The following LAMC1 variants were observed in gnomAD, a reference collection of about 807,000 sequenced individuals.
The protein encoded by LAMC1 is laminin subunit gamma-1.
Under a neutral mutation model 173.6 loss-of-function variants are expected in LAMC1, and 38 were observed. The ratio of observed to expected loss-of-function variants is 0.22; its 90% CI spans 0.17 to 0.29. The LOEUF is 0.29. Among genes scored for constraint, LAMC1 ranks in the 10% least tolerant of loss-of-function variants. The probability of loss-of-function intolerance (pLI) is 1.00; values close to 1 mark genes in which losing one functional copy is unlikely to be tolerated. For missense variants in LAMC1, 1,824 were observed against 2,051.8 expected, an observed-to-expected ratio of 0.89 and a Z score of 2.14; for synonymous variants, 746 against 749.1, an observed-to-expected ratio of 1.00 and a Z score of 0.07.
intron 26 of LAMC1, among the ~76,000 whole-genome samples, chr1:183,139,480 A>G (rs1337450109): frequency 6.6e-6 from 1 of 152,220 alleles, no homozygotes; most frequent in Admixed American, 6.5e-5. Flanking sequence ...TTACACTCGC[A>G]GACAAGCTTG....
rs1274337623 is a variant in LAMC1 at position 183,113,147 on chromosome 1, CA to C, written c.1022-1378del. Among the ~76,000 whole-genome samples the C allele has an allele frequency of 5.3e-5, 8 of 152,046 alleles. 1 individual carries two copies. Among genetic ancestry groups the C allele is most frequent in the Non-Finnish European group, 8.8e-5 (6 of 67,992 alleles). On this transcript the variant is annotated intron_variant, in intron 4 of 27. Transcript: ENST00000258341. ...GCAACAGAGCAAGACCTTGTCTCTG[CA>C]AAAAATTTTTTAAAAATTAGCTGAG... is the stretch of plus-strand genomic sequence containing the variant.
chr1:183,080,380 A>G (rs537376640), intron 1 of LAMC1, among the ~76,000 whole-genome samples: 11 of 152,342 alleles, frequency 7.2e-5, no homozygotes, highest in African/African-American at 2.2e-4. Context: ...CTGATGAAAT[A>G]TACATGTGCA....
chr1:183,136,393 T>C lies in LAMC1; in HGVS notation c.4122T>C (p.Asp1374=). The C allele has an allele frequency of 6.2e-7, 1 of 1,614,070 alleles. No individual in the cohort carries two copies. The highest frequency in any genetic ancestry group is 8.5e-7 in the Non-Finnish European group (1 of 1,179,958). ...TCCTTGAACTTGTTTCAGATTTTGATAGGCGTGTGAACGATAACAAGACGG... is the reference window on the plus strand; with the variant it reads ...TCCTTGAACTTGTTTCAGATTTTGACAGGCGTGTGAACGATAACAAGACGG... ...NDILNNLKDF[D]RRVNDNKTAA... Residue 1374 remains aspartate (D), a synonymous_variant, in exon 25 of 28, where the codon GAT becomes GAC. Transcript: ENST00000258341.
intron 1 of LAMC1, among the ~76,000 whole-genome samples, chr1:183,042,825 A>G (rs1429765054): frequency 1.3e-5 from 2 of 152,090 alleles, no homozygotes; most frequent in Non-Finnish European, 2.9e-5. Flanking sequence ...TGGCACTGAG[A>G]TCCCACTGTA....
At position 183,128,292 on chromosome 1, in the gene LAMC1, G is replaced by A. The variant is rs142849231; in HGVS notation, c.3124-302G>A. ...TCTTTAAAGTCAAAGGAACAGCTCT[G>A]AAGGTTTTTTTTGAAGCTGGAAAAA... On this transcript the variant is annotated intron_variant, in intron 17 of 27. Coordinates refer to ENST00000258341, the MANE Select transcript of LAMC1 (RefSeq NM_002293.4). Among the ~76,000 whole-genome samples the A allele has an allele frequency of 4.5e-3, 680 of 152,238 alleles. 7 individuals carry two copies. Among genetic ancestry groups the A allele is most frequent in the African/African-American group, 0.016 (645 of 41,534 alleles).
intron 1 of LAMC1, among the ~76,000 whole-genome samples, chr1:183,078,284 C>T (rs989642277): frequency 6.6e-5 from 10 of 152,080 alleles, no homozygotes; most frequent in African/African-American, 2.2e-4. Context: ...GGGAACTAAA[C>T]CTTTAACAGA....
At position 183,028,538 on chromosome 1, in the gene LAMC1, C is replaced by T. The variant is rs946797231; in HGVS notation, c.418+4404C>T. 1.6e-4 allele frequency among the ~76,000 whole-genome samples: 25 copies of T among 152,186 alleles called. 1 individual carries two copies. ...TCACAACGCAAGGAAGGCAAAGATG[C>T]CTAAGGTTGTGATTTGCCTAAAGTC... On this transcript the variant is annotated intron_variant, in intron 1 of 27. Coordinates refer to ENST00000258341, the MANE Select transcript of LAMC1 (RefSeq NM_002293.4).
intron 1 of LAMC1, among the ~76,000 whole-genome samples, chr1:183,051,358 G>A (rs1028260106): frequency 6.6e-6 from 1 of 152,274 alleles, no homozygotes; most frequent in Admixed American, 6.5e-5. Flanking sequence ...GGCATTTCTG[G>A]TGAGCATTCC....
chr1:183,145,398 C>G lies in LAMC1; in HGVS notation c.*2608C>G, dbSNP rs1490137842. The G allele has an allele frequency of 6.6e-6, 1 of 152,576 alleles. No homozygotes were observed. The highest frequency in any genetic ancestry group is 2.4e-5 in the African/African-American group (1 of 41,440). The allele number at this position is 152,576 out of a possible 1,614,324, so 9.5% of individuals were successfully genotyped here. A position where few individuals can be genotyped will look rare whatever the true frequency, so the allele number is the denominator to read the frequency against. ...GGTTGACACAGGGATTATTATACTG[C>G]TATTTTTCCCTGAATTTTTTTCCTT... On this transcript the variant is annotated 3_prime_UTR_variant, in exon 28 of 28. Coordinates refer to ENST00000258341, the MANE Select transcript of LAMC1 (RefSeq NM_002293.4).
At chr1:183,119,198 A>G (rs1487735185) in intron 11 of LAMC1, among the ~76,000 whole-genome samples, 1 of 152,106 alleles carries the variant, frequency 6.6e-6, no homozygotes, top group East Asian at 1.9e-4. Flanking sequence ...CACCCGGTCA[A>G]AATTTTTTTT....
intron 1 of LAMC1, among the ~76,000 whole-genome samples, chr1:183,027,997 T>C (rs1653733604): frequency 6.6e-6 from 1 of 152,232 alleles, no homozygotes; most frequent in Admixed American, 6.5e-5. Flanking sequence ...TCTTCCTTAA[T>C]GGCCAGCAGT....
intron 1 of LAMC1, among the ~76,000 whole-genome samples, chr1:183,077,444 C>T (rs867900148): frequency 6.6e-6 from 1 of 151,970 alleles, no homozygotes; most frequent in Admixed American, 6.6e-5. Context: ...TATTGGGGTA[C>T]AGGTGGTGTT....
At chr1:183,072,286 G>A (rs1397218561) in intron 1 of LAMC1, among the ~76,000 whole-genome samples, 1 of 152,142 alleles carries the variant, frequency 6.6e-6, no homozygotes, top group African/African-American at 2.4e-5. Flanking sequence ...TGAGGCATGG[G>A]GACATTTAAT....
chr1:183,033,390 A>G (rs1051920198), intron 1 of LAMC1, among the ~76,000 whole-genome samples: 1 of 152,202 alleles, frequency 6.6e-6, no homozygotes, highest in Admixed American at 6.5e-5. Flanking sequence ...TTAAGCAGGT[A>G]GTGGTTTTGG....
intron 1 of LAMC1, among the ~76,000 whole-genome samples, chr1:183,085,419 G>A (rs1655401072): frequency 6.6e-6 from 1 of 152,054 alleles, no homozygotes. Flanking sequence ...CTGGAGTGCA[G>A]TAGTGTGAAT....
intron 26 of LAMC1, chr1:183,138,393 A>G (rs1332376192): frequency 6.3e-6 from 1 of 159,258 alleles, no homozygotes; most frequent in Non-Finnish European, 1.3e-5. Flanking sequence ...TTTCTGTTCT[A>G]TGCTATATTT....
chr1:183,131,873 T>C (rs1378055160), intron 20 of LAMC1, among the ~76,000 whole-genome samples: 1 of 152,272 alleles, frequency 6.6e-6, no homozygotes, highest in Non-Finnish European at 1.5e-5. Flanking sequence ...CAATAATTTT[T>C]TTGGAAAATA....
chr1:183,068,572 G>A (rs1008471264), intron 1 of LAMC1, among the ~76,000 whole-genome samples: 19 of 152,252 alleles, frequency 1.2e-4, no homozygotes, highest in African/African-American at 4.1e-4. Flanking sequence ...TCAAATTATT[G>A]CAGGTCTCTA....
At chr1:183,107,958 G>A (rs1321671616) in intron 2 of LAMC1, among the ~76,000 whole-genome samples, 1 of 152,112 alleles carries the variant, frequency 6.6e-6, no homozygotes, top group East Asian at 1.9e-4. Context: ...GGAGGGAAGG[G>A]GCATGTGTAT....
Sources: gnomAD v4.1 joint callset for allele counts (sites outside exome capture counted in the v4.1 genomes callset) on GRCh38, gnomAD v4.1.1 for gene constraint, MANE v1.5 for transcripts, NCBI Gene and HGNC (gene_info 2026-07-23, HGNC 2026-07-21) for gene names.